Variants in SORCS1 observed in about 807,000 individuals in gnomAD.
SORCS1 encodes the protein sortilin related VPS10 domain containing receptor 1, also known as VPS10 domain-containing receptor SorCS1.
A neutral mutation model predicts 146.1 loss-of-function variants in SORCS1; 60 were observed. The observed-to-expected ratio is 0.41, with a 90% CI of 0.33 to 0.51. The LOEUF (loss-of-function observed/expected upper bound fraction) is 0.51. SORCS1 is among the 20% of genes least tolerant of loss of function. The pLI is 0.21. For missense variants in SORCS1, 1,352 were observed against 1,487.6 expected, an observed-to-expected ratio of 0.91 and a Z score of 1.50; for synonymous variants, 637 against 584.0, an observed-to-expected ratio of 1.09 and a Z score of -1.31.
At chr10:107,000,680 C>T (rs565571359) in intron 1 of SORCS1, among the ~76,000 whole-genome samples, 2 of 150,936 alleles carry the variant, frequency 1.3e-5, no homozygotes, top group African/African-American at 4.9e-5. Flanking sequence ...CTGGCTTACA[C>T]AAAATGGAGG....
chr10:106,976,339 T>TTTGTTTTTG (rs1564878039), intron 1 of SORCS1, among the ~76,000 whole-genome samples: 22 of 140,856 alleles, frequency 1.6e-4, no homozygotes, highest in African/African-American at 2.5e-4. Flanking sequence ...TTTTGTTTTT[T>TTTGTTTTTG]TTTTTTTTTT....
Position 106,699,247 on chromosome 10 carries a change from G to A in SORCS1, c.1380C>T (p.Gly460=). The A allele has an allele frequency of 1.2e-6, 2 of 1,613,682 alleles. No homozygotes were observed. The highest frequency in any genetic ancestry group is 1.1e-5 in the South Asian group (1 of 91,014). ...GGTCGATCATGATGTTGCCCTCAGGGCCTCTGCTGCTCTGGACATTCTCCA... is the reference window on the plus strand; with the variant it reads ...GGTCGATCATGATGTTGCCCTCAGGACCTCTGCTGCTCTGGACATTCTCCA... ...LALENVQSSR[G]PEGNIMIDLY... The change falls in exon 9 of 26, where the codon GGC becomes GGT. Residue 460 remains glycine, a synonymous_variant. Coordinates refer to ENST00000263054, the MANE Select transcript of SORCS1 (RefSeq NM_052918.5).
intron 1 of SORCS1, among the ~76,000 whole-genome samples, chr10:107,150,366 T>G (rs1216213888): frequency 1.3e-5 from 2 of 152,198 alleles, no homozygotes; most frequent in Non-Finnish European, 2.9e-5. Context: ...TCTTAAGAGA[T>G]TCTTAATAAT....
At chr10:106,904,593 C>T (rs913310401) in intron 2 of SORCS1, among the ~76,000 whole-genome samples, 2 of 152,182 alleles carry the variant, frequency 1.3e-5, no homozygotes, top group African/African-American at 4.8e-5. Context: ...GACCTCCATC[C>T]CATACTTTGG....
At chr10:106,937,972 G>GAAAAAAAAA (rs76116094) in intron 2 of SORCS1, among the ~76,000 whole-genome samples, 17 of 129,146 alleles carry the variant, frequency 1.3e-4, no homozygotes, top group Admixed American at 3.3e-4. Flanking sequence ...TCAAAAAGAA[G>GAAAAAAAAA]AAAAAAAAAA....
chr10:107,047,809 G>A (rs544109055), intron 1 of SORCS1, among the ~76,000 whole-genome samples: 3 of 152,184 alleles, frequency 2.0e-5, no homozygotes, highest in East Asian at 1.9e-4. Context: ...TGCCGGGTGC[G>A]TTGGCTCACA....
At chr10:106,943,571 G>C (rs1954159451) in intron 2 of SORCS1, among the ~76,000 whole-genome samples, 1 of 152,074 alleles carries the variant, frequency 6.6e-6, no homozygotes, top group Non-Finnish European at 1.5e-5. Flanking sequence ...GCTTTGGGAG[G>C]CCGAGGTGGC....
At chr10:107,030,284 G>T (rs1436211471) in intron 1 of SORCS1, among the ~76,000 whole-genome samples, 2 of 152,196 alleles carry the variant, frequency 1.3e-5, no homozygotes, top group East Asian at 3.9e-4. Flanking sequence ...TCTAAGCTAA[G>T]TACTCTATAT....
chr10:106,971,829 G>A (rs558819098), intron 1 of SORCS1, among the ~76,000 whole-genome samples: 6 of 152,238 alleles, frequency 3.9e-5, no homozygotes, highest in African/African-American at 1.4e-4. Context: ...AAATATAACA[G>A]GGTGCAGATT....
chr10:106,580,655 A>G (rs963272379), intron 24 of SORCS1, among the ~76,000 whole-genome samples: 5 of 152,282 alleles, frequency 3.3e-5, no homozygotes, highest in Middle Eastern at 6.8e-3. Context: ...GTGTGAGCCG[A>G]GAGGGCAACA....
At chr10:107,066,855 C>A (rs984576283) in intron 1 of SORCS1, among the ~76,000 whole-genome samples, 4 of 152,174 alleles carry the variant, frequency 2.6e-5, no homozygotes, top group Non-Finnish European at 4.4e-5. Context: ...GGAAAATCAT[C>A]TTTCTAGCCA....
chr10:106,579,177 T>A (rs771767766), intron 25 of SORCS1, 192 bp downstream of exon 25: 1 of 1,613,956 alleles, frequency 6.2e-7, no homozygotes, highest in Non-Finnish European at 8.5e-7. Flanking sequence ...GCTTTCAGAG[T>A]GACTGACTGG....
chr10:106,811,573 G>A (rs1166491702), intron 3 of SORCS1, among the ~76,000 whole-genome samples: 2 of 152,134 alleles, frequency 1.3e-5, no homozygotes, highest in African/African-American at 2.4e-5. Context: ...ATATGCGGAC[G>A]TTTAAGAACC....
chr10:106,674,585 G>A (rs12146363), intron 14 of SORCS1, among the ~76,000 whole-genome samples: 1 of 151,986 alleles, frequency 6.6e-6, no homozygotes, highest in Non-Finnish European at 1.5e-5. Context: ...TCACATTCCA[G>A]ACAAAAATGA....
At chr10:106,945,842 A>G (rs1954311353) in intron 2 of SORCS1, among the ~76,000 whole-genome samples, 1 of 152,228 alleles carries the variant, frequency 6.6e-6, no homozygotes, top group African/African-American at 2.4e-5. Context: ...CCAGACTCTC[A>G]CAGATGGTCT....
At chr10:106,971,690 T>C (rs1955792755) in intron 1 of SORCS1, among the ~76,000 whole-genome samples, 1 of 152,230 alleles carries the variant, frequency 6.6e-6, no homozygotes, top group Non-Finnish European at 1.5e-5. Context: ...TCCTGTTCTT[T>C]CGTTCAAGAG....
At chr10:106,980,321 C>T (rs1589841734) in intron 1 of SORCS1, among the ~76,000 whole-genome samples, 2 of 152,280 alleles carry the variant, frequency 1.3e-5, no homozygotes, top group African/African-American at 4.8e-5. Flanking sequence ...GAATTATAAA[C>T]ATTTATTCTA....
intron 10 of SORCS1, among the ~76,000 whole-genome samples, chr10:106,685,047 A>G (rs948475568): frequency 6.6e-6 from 1 of 152,184 alleles, no homozygotes; most frequent in African/African-American, 2.4e-5. Context: ...CCCGAGTTCC[A>G]TACATCTGTG....
At chr10:106,645,204 T>A (rs1219468197) in intron 18 of SORCS1, among the ~76,000 whole-genome samples, 1 of 151,596 alleles carries the variant, frequency 6.6e-6, no homozygotes, top group African/African-American at 2.4e-5. Context: ...AGTCTCACTT[T>A]GTCAACCAGG....
Sources: gnomAD v4.1 joint callset for allele counts (sites outside exome capture counted in the v4.1 genomes callset) on GRCh38, gnomAD v4.1.1 for gene constraint, MANE v1.5 for transcripts, NCBI Gene and HGNC (gene_info 2026-07-23, HGNC 2026-07-21) for gene names.